The following CHST7 variants were observed in gnomAD, a reference collection of about 807,000 sequenced individuals.
CHST7 encodes the protein carbohydrate sulfotransferase 7.
CHST7 carries 5 observed loss-of-function variants against 9.0 expected under a neutral mutation model. The observed-to-expected ratio is 0.56, with a 90% CI of 0.29 to 1.17. CHST7 has a LOEUF of 1.17. CHST7 is among the 50% of genes most tolerant of loss of function. The pLI is 0.08. For synonymous variants in CHST7, 244 were observed against 237.1 expected, an observed-to-expected ratio of 1.03 and a Z score of -0.27; for missense variants, 377 against 485.1, an observed-to-expected ratio of 0.78 and a Z score of 2.09.
chrX:46,575,122 G>T lies in CHST7; in HGVS notation c.1191G>T (p.Ala397=). The change falls in exon 1 of 2, where the codon GCG becomes GCT. Residue 397 remains alanine, a synonymous_variant. Transcript: ENST00000276055. ...TGCTGCGCTTCTCCGGGCTACGCGCGCTCGCAGCGCTCGATGCCTTCGCGC... is the reference window on the plus strand; with the variant it reads ...TGCTGCGCTTCTCCGGGCTACGCGCTCTCGCAGCGCTCGATGCCTTCGCGC... ...RRLLRFSGLR[A]LAALDAFALN... is the part of the protein sequence containing the mutation. 9.1e-7 allele frequency: 1 copy of T among 1,100,364 alleles called. No homozygotes were observed. Among genetic ancestry groups the T allele is most frequent in the Admixed American group, 3.5e-5 (1 of 28,793 alleles). The allele number at this position is 1,100,364 out of a possible 1,213,427, so 90.7% of individuals were successfully genotyped here.
At position 46,574,928 on chromosome X, in the gene CHST7, G is replaced by C; in HGVS notation, c.997G>C (p.Ala333Pro). 8.7e-7 allele frequency: 1 copy of C among 1,143,230 alleles called. No individual in the cohort carries two copies. The highest frequency in any genetic ancestry group is 1.1e-6 in the Non-Finnish European group (1 of 869,888). 94.2% of individuals were successfully genotyped at this position (1,143,230 alleles called of 1,213,427 possible). Residue 333 changes from alanine to proline, a missense_variant, in exon 1 of 2, where the codon GCC becomes CCC. By Grantham distance (27) the Ala-to-Pro change is conservative (BLOSUM62 -1). Coordinates refer to ENST00000276055, the MANE Select transcript of CHST7 (RefSeq NM_019886.4). Reference protein sequence around the residue: ...RPGGQSRALPAAPRADFFLTG... With the variant: ...RPGGQSRALPPAPRADFFLTG... The stretch of plus-strand genomic sequence containing the variant: ...CGGGGGCCAGTCTCGCGCGCTGCCC[G>C]CCGCGCCGCGCGCCGATTTCTTCCT...
In CHST7 at chrX:46,574,258, C is replaced by T; in HGVS notation, c.327C>T (p.Thr109=). The change falls in exon 1 of 2, where the codon ACC becomes ACT. Residue 109 remains threonine, a synonymous_variant. Transcript: ENST00000276055. ...AGCAGCACATCTACGTGCATGCCAC[C>T]TGGCGCACCGGCTCGTCCTTCCTGG... The part of the protein sequence containing the change: ...REKQHIYVHA[T]WRTGSSFLGE... 2.5e-6 allele frequency: 3 copies of T among 1,212,015 alleles called. No individual in the cohort carries two copies. Among genetic ancestry groups the T allele is most frequent in the Non-Finnish European group, 3.4e-6 (3 of 895,354 alleles).
At chrX:46,584,125 A>G (rs916216802) in intron 1 of CHST7, among the ~76,000 whole-genome samples, 1 of 112,234 alleles carries the variant, frequency 8.9e-6, no homozygotes, top group Non-Finnish European at 1.9e-5. Context: ...GTGCCAGCAG[A>G]TTCCCCTCCC....
intron 1 of CHST7, among the ~76,000 whole-genome samples, chrX:46,590,719 T>G (rs938926786): frequency 3.6e-5 from 4 of 111,908 alleles, no homozygotes; most frequent in African/African-American, 1.3e-4. Flanking sequence ...ATTTTGTGTG[T>G]GTGTATAGAT....
At chrX:46,588,034 A>T (rs1942557407) in intron 1 of CHST7, among the ~76,000 whole-genome samples, 1 of 111,740 alleles carries the variant, frequency 8.9e-6, no homozygotes. Flanking sequence ...ATACTCGGAA[A>T]TCTCAGCTCT....
chrX:46,582,106 T>C (rs1412805638), intron 1 of CHST7, among the ~76,000 whole-genome samples: 1 of 111,955 alleles, frequency 8.9e-6, no homozygotes. Context: ...TCCCGTTTCA[T>C]CTTCTTTTTA....
intron 1 of CHST7, among the ~76,000 whole-genome samples, chrX:46,595,659 A>G (rs1483405367): frequency 9.0e-6 from 1 of 111,396 alleles, no homozygotes; most frequent in Non-Finnish European, 1.9e-5. Flanking sequence ...CATTCAGGAT[A>G]TAGAGGCAGC....
At chrX:46,577,996 A>G (rs892909353) in intron 1 of CHST7, among the ~76,000 whole-genome samples, 1 of 111,329 alleles carries the variant, frequency 9.0e-6, no homozygotes, top group East Asian at 2.8e-4. Context: ...TCCATACCCA[A>G]TGGCCAGGAT....
Position 46,574,930 on chromosome X carries a change from C to T in CHST7, c.999C>T (p.Ala333=), listed in dbSNP as rs1253968546. ...GGGGCCAGTCTCGCGCGCTGCCCGC[C>T]GCGCCGCGCGCCGATTTCTTCCTGA... ...RPGGQSRALP[A]APRADFFLTG... is the part of the protein sequence containing the mutation. Residue 333 remains alanine (A), a synonymous_variant, in exon 1 of 2, where the codon GCC becomes GCT. Transcript: ENST00000276055. 1 of 1,143,936 alleles carries T rather than the reference C, an allele frequency of 8.7e-7. No individual in the cohort carries two copies. Among genetic ancestry groups the T allele is most frequent in the Admixed American group, 2.8e-5 (1 of 35,137 alleles). 94.3% of individuals were successfully genotyped at this position (1,143,936 alleles called of 1,213,427 possible).
At chrX:46,589,104 C>T (rs1035707998) in intron 1 of CHST7, among the ~76,000 whole-genome samples, 2 of 111,093 alleles carry the variant, frequency 1.8e-5, no homozygotes, top group Non-Finnish European at 3.8e-5. Context: ...CATCTAGCAG[C>T]TGAAAAAAAG....
chrX:46,592,352 TTTTG>T (rs777431131), intron 1 of CHST7, among the ~76,000 whole-genome samples: 9 of 112,265 alleles, frequency 8.0e-5, no homozygotes, highest in South Asian at 7.3e-4. Flanking sequence ...TGTTTTCTGT[TTTTG>T]TTTGTTTTTG....
In CHST7 at chrX:46,575,078, C is replaced by T. The variant is rs1489335298; in HGVS notation, c.1147C>T (p.Arg383Cys). The T allele has an allele frequency of 1.2e-5, 13 of 1,124,964 alleles. No individual in the cohort carries two copies. The highest frequency in any genetic ancestry group is 1.5e-5 in the Non-Finnish European group (13 of 861,243). 92.7% of individuals were successfully genotyped at this position (1,124,964 alleles called of 1,213,427 possible). A position where few individuals can be genotyped will look rare whatever the true frequency, so the allele number is the denominator to read the frequency against. ...LRYEDLVRQPRAQLRRLLRFS... is the reference protein window; with the variant it reads ...LRYEDLVRQPCAQLRRLLRFS... ...CTATGAGGACCTGGTGCGGCAGCCA[C>T]GCGCCCAGCTGCGCCGCCTGCTGCG... The change falls in exon 1 of 2, where the codon CGC (arginine) becomes TGC (cysteine). Residue 383 changes from arginine to cysteine, a missense_variant. Coordinates refer to ENST00000276055, the MANE Select transcript of CHST7 (RefSeq NM_019886.4).
chrX:46,594,676 C>G (rs1942585964), intron 1 of CHST7, among the ~76,000 whole-genome samples: 1 of 111,813 alleles, frequency 8.9e-6, no homozygotes, highest in Non-Finnish European at 1.9e-5. Flanking sequence ...TCATTTCTCT[C>G]TAGTTGCCTT....
intron 1 of CHST7, among the ~76,000 whole-genome samples, chrX:46,597,118 A>C (rs1942598012): frequency 1.8e-5 from 2 of 111,465 alleles, no homozygotes; most frequent in African/African-American, 6.5e-5. Context: ...TCCATTAGAA[A>C]ATGTCAAATT....
intron 1 of CHST7, among the ~76,000 whole-genome samples, chrX:46,595,155 T>C (rs1309325189): frequency 8.9e-6 from 1 of 112,691 alleles, no homozygotes; most frequent in Non-Finnish European, 1.9e-5. Flanking sequence ...TTCAAGTGTG[T>C]TTGTAATGGC....
intron 1 of CHST7, among the ~76,000 whole-genome samples, chrX:46,588,132 G>A (rs777907798): frequency 6.2e-5 from 7 of 112,010 alleles, no homozygotes; most frequent in Non-Finnish European, 1.1e-4. Flanking sequence ...GTGCAAGTGT[G>A]TGGGCAGGGA....
chrX:46,587,920 C>T (rs1019121623), intron 1 of CHST7, among the ~76,000 whole-genome samples: 2 of 111,835 alleles, frequency 1.8e-5, no homozygotes, highest in Admixed American at 9.5e-5. Context: ...TTGCAAAGGA[C>T]GCTCAAGCCC....
chrX:46,574,883 C>T lies in CHST7; in HGVS notation c.952C>T (p.His318Tyr). ...CCGCTTCCACCGTGTGCTGCTGGCG[C>T]ACGGCGTGGGTGCTCGCCCCGGGGG... ...GDRFHRVLLA[H>Y]GVGARPGGQS... is the part of the protein sequence containing the mutation. Residue 318 changes from histidine (H) to tyrosine (Y), a missense_variant, in exon 1 of 2, where the codon CAC (histidine) becomes TAC (tyrosine). His to Tyr is a moderately conservative substitution (Grantham distance 83). Transcript: ENST00000276055. The T allele has an allele frequency of 8.6e-7, 1 of 1,164,739 alleles. No homozygotes were observed. Among genetic ancestry groups the T allele is most frequent in the South Asian group, 1.9e-5 (1 of 52,249 alleles).
chrX:46,591,006 C>G (rs894124496), intron 1 of CHST7, among the ~76,000 whole-genome samples: 44 of 112,471 alleles, frequency 3.9e-4, no homozygotes, highest in African/African-American at 1.4e-3. Flanking sequence ...TCCAGGTTGT[C>G]TTGTTTAATA....
Sources: allele counts gnomAD v4.1 joint callset (sites outside exome capture counted in the v4.1 genomes callset), GRCh38; gene constraint gnomAD v4.1.1; transcripts MANE v1.5; gene names NCBI Gene and HGNC (gene_info 2026-07-23, HGNC 2026-07-21).